Variants in PKD1L1 observed in about 807,000 individuals in gnomAD.
The protein encoded by PKD1L1 is polycystin 1 like 1, transient receptor potential channel interacting, also known as polycystin-1-like protein 1.
A neutral mutation model predicts 323.4 loss-of-function variants in PKD1L1; 236 were observed. The observed-to-expected ratio is 0.73, with a 90% CI of 0.66 to 0.81. PKD1L1 has a LOEUF of 0.81. Among genes scored for constraint, PKD1L1 ranks in the 40% least tolerant of loss-of-function variants. The pLI, the probability that PKD1L1 is intolerant of heterozygous loss-of-function variation, is 0.00. For missense variants in PKD1L1, 3,320 were observed against 3,508.0 expected (o/e 0.95, Z 1.35); for synonymous variants, 1,344 against 1,335.0 (o/e 1.01, Z -0.15).
In PKD1L1 at chr7:47,908,230, C is replaced by T. The variant is rs1348702474; in HGVS notation, c.1249G>A (p.Ala417Thr). ...CCATGAAACTCGTTATAAATAACAG[C>T]CTTGAGCATATAGACTCCTTCTGGA... ...FVTKGVYMLK[A>T]VIYNEFHGTE... The change falls in exon 9 of 57, where the codon GCT becomes ACT. Residue 417 changes from alanine to threonine, a missense_variant. Ala to Thr is a moderately conservative substitution (Grantham distance 58, BLOSUM62 0). Transcript: ENST00000289672. 5.6e-6 allele frequency: 9 copies of T among 1,613,734 alleles called. No individual in the cohort carries two copies. The highest frequency in any genetic ancestry group is 7.6e-6 in the Non-Finnish European group (9 of 1,179,900).
intron 50 of PKD1L1, among the ~76,000 whole-genome samples, chr7:47,810,569 A>C (rs1784872914): frequency 6.6e-6 from 1 of 152,186 alleles, no homozygotes. Flanking sequence ...GCTGAGCTCT[A>C]CACAAATCTC....
chr7:47,960,325 T>C, the PKD1L1 span, among the ~76,000 whole-genome samples: 2 of 134,120 alleles, frequency 1.5e-5, no homozygotes, highest in Non-Finnish European at 3.1e-5. Context: ...CCTATGACCC[T>C]GCCAAATCCC....
At chr7:47,841,398 C>T (rs918698752) in intron 34 of PKD1L1, among the ~76,000 whole-genome samples, 5 of 152,150 alleles carry the variant, frequency 3.3e-5, no homozygotes, top group Admixed American at 1.3e-4. Context: ...GCCTGGATAT[C>T]GAGTTGGGAG....
chr7:47,808,975 A>C (rs1784838426), intron 51 of PKD1L1: 1 of 146,064 alleles, frequency 6.8e-6, no homozygotes, highest in Non-Finnish European at 1.5e-5. Flanking sequence ...CCTTTTACTT[A>C]AAAATCTTTT....
chr7:47,832,960 G>A (rs1785377821), intron 41 of PKD1L1, 130 bp downstream of exon 41: 1 of 1,272,034 alleles, frequency 7.9e-7, no homozygotes, highest in South Asian at 1.6e-5. Flanking sequence ...GCCCATGCCT[G>A]GTTTTTAGAT....
rs1367035135 is a variant in PKD1L1 at position 47,833,166 on chromosome 7, C to T, written c.6261G>A (p.Lys2087=). 1.2e-6 allele frequency: 2 copies of T among 1,612,882 alleles called. No individual in the cohort carries two copies. The highest frequency in any genetic ancestry group is 1.3e-5 in the African/African-American group (1 of 75,054). ...SDNGTACPAP[K]LQVHGADHSR... ...TGTGGTCAGCCCCATGAACCTGCAG[C>T]TTAGGGGCTGGACAAGCTGTGCCAT... The change falls in exon 41 of 57, where the codon AAG becomes AAA. Residue 2087 remains lysine (K), a synonymous_variant. Transcript: ENST00000289672.
At chr7:47,817,635 G>A (rs1014441535) in intron 46 of PKD1L1, among the ~76,000 whole-genome samples, 4 of 152,138 alleles carry the variant, frequency 2.6e-5, no homozygotes, top group African/African-American at 4.8e-5. Context: ...TTGGAAGGCC[G>A]AGGTGAGTAG....
chr7:47,809,591 T>C lies in PKD1L1; in HGVS notation c.7582-14A>G, dbSNP rs1405869818. 6.5e-7 allele frequency: 1 copy of C among 1,545,780 alleles called. No individual in the cohort carries two copies. The highest frequency in any genetic ancestry group is 2.3e-5 in the East Asian group (1 of 43,348). ...CAGGAAGACCAGCTGGTGGAGAGAA[T>C]GTAAACAAACAAGATCAATAGGAAT... On this transcript the variant is annotated splice_polypyrimidine_tract_variant and intron_variant, in intron 50 of 56. Transcript: ENST00000289672.
At chr7:47,864,568 TTTC>T (rs1012143370) in intron 26 of PKD1L1, among the ~76,000 whole-genome samples, 2 of 151,182 alleles carry the variant, frequency 1.3e-5, no homozygotes, top group African/African-American at 4.9e-5. Flanking sequence ...TCTTTTTCTT[TTTC>T]TTTCTTTTCT....
rs1480912942 is a variant in PKD1L1, at chr7:47,929,195, G to A, written c.1060+9C>T. On this transcript the variant is annotated intron_variant, in intron 7 of 56. Coordinates refer to ENST00000289672, the MANE Select transcript of PKD1L1 (RefSeq NM_138295.5). ...CCCAGGCTCCTGATAAGGACACCAT[G>A]CACCTTACCTTTTGAGTACTGGTGG... is the stretch of plus-strand genomic sequence containing the variant. 2 of 1,612,138 alleles carry A rather than the reference G, an allele frequency of 1.2e-6. No homozygotes were observed. Among genetic ancestry groups the A allele is most frequent in the East Asian group, 2.2e-5 (1 of 44,862 alleles).
At chr7:47,876,035 G>C in intron 23 of PKD1L1, 62 bp downstream of exon 23, 1 of 1,556,448 alleles carries the variant, frequency 6.4e-7, no homozygotes, top group Non-Finnish European at 8.7e-7. Flanking sequence ...TGAAAACCAG[G>C]AAAAAAGGTT....
intron 1 of PKD1L1, among the ~76,000 whole-genome samples, chr7:47,945,167 G>T (rs570454318): frequency 6.6e-6 from 1 of 152,306 alleles, no homozygotes; most frequent in East Asian, 1.9e-4. Flanking sequence ...AGAAAGGGCC[G>T]CCCTGTATTA....
chr7:47,864,247 C>A (rs1015276024), intron 26 of PKD1L1, among the ~76,000 whole-genome samples: 1 of 152,112 alleles, frequency 6.6e-6, no homozygotes, highest in Non-Finnish European at 1.5e-5. Flanking sequence ...AAGGGAGAAG[C>A]CTATGCAGGG....
At chr7:47,879,795 T>C (rs1786494845) in intron 21 of PKD1L1, among the ~76,000 whole-genome samples, 2 of 148,390 alleles carry the variant, frequency 1.3e-5, no homozygotes, top group Admixed American at 1.3e-4. Context: ...TAGCTGGGCG[T>C]GGTGGCAGGC....
At position 47,858,741 on chromosome 7, in the gene PKD1L1, G is replaced by T. The variant is rs1270651547; in HGVS notation, c.4294C>A (p.Gln1432Lys). The T allele has an allele frequency of 6.2e-7, 1 of 1,613,962 alleles. No homozygotes were observed. The highest frequency in any genetic ancestry group is 1.7e-5 in the Admixed American group (1 of 60,008). The stretch of plus-strand genomic sequence containing the variant: ...TAGACTTCCTCCTTCGAGTTTTCTT[G>T]CTCAGAGACTTCCCAGACTCTGGAT... The part of the protein sequence containing the change: ...LISRVWEVSE[Q>K]ENSKEEVYRH... Residue 1432 changes from glutamine to lysine, a missense_variant, in exon 27 of 57, where the codon CAA becomes AAA. Transcript: ENST00000289672.
In PKD1L1 at chr7:47,833,095, G is replaced by A. The variant is rs1435246712; in HGVS notation, c.6332C>T (p.Thr2111Ile). The A allele has an allele frequency of 6.2e-7, 1 of 1,610,682 alleles. No individual in the cohort carries two copies. The highest frequency in any genetic ancestry group is 1.7e-5 in the Admixed American group (1 of 59,658). ...MGKSHCCPPH[T>I]QAPSSGLEGL... ...TGGTTGCAAGCCACAGTTACCTTGA[G>A]TGTGGGGAGGGCAGCAGTGGCTTTT... The change falls in exon 41 of 57, where the codon ACT (threonine) becomes ATT (isoleucine). Residue 2111 changes from threonine to isoleucine, a missense_variant. Coordinates refer to ENST00000289672, the MANE Select transcript of PKD1L1 (RefSeq NM_138295.5).
intron 23 of PKD1L1, among the ~76,000 whole-genome samples, chr7:47,875,404 T>G (rs572965162): frequency 6.6e-6 from 1 of 152,332 alleles, no homozygotes; most frequent in African/African-American, 2.4e-5. Flanking sequence ...TTAAAGAAAC[T>G]TCTAGATCAG....
intron 56 of PKD1L1, among the ~76,000 whole-genome samples, chr7:47,778,937 G>GT (rs925753051): frequency 1.3e-4 from 20 of 152,146 alleles, no homozygotes; most frequent in African/African-American, 3.6e-4. Context: ...CGATCATATC[G>GT]TTTTTAAAAA....
intron 45 of PKD1L1, among the ~76,000 whole-genome samples, chr7:47,822,453 G>C (rs896381880): frequency 2.0e-5 from 3 of 151,964 alleles, no homozygotes; most frequent in Non-Finnish European, 4.4e-5. Flanking sequence ...AAAAGAGCCA[G>C]GCATGGTGGC....
Sources: gnomAD v4.1 joint callset for allele counts (sites outside exome capture counted in the v4.1 genomes callset) on GRCh38, gnomAD v4.1.1 for gene constraint, MANE v1.5 for transcripts, NCBI Gene and HGNC (gene_info 2026-07-23, HGNC 2026-07-21) for gene names.